BMPR2: variants seen among roughly 807,000 people sequenced by gnomAD.
BMPR2 encodes bone morphogenetic protein receptor type 2.
Under a neutral mutation model 100.8 loss-of-function variants are expected in BMPR2, and 29 were observed. That is an observed-to-expected ratio of 0.29 (90% confidence interval 0.21 to 0.39). BMPR2 has a LOEUF of 0.39. Among genes scored for constraint, BMPR2 ranks in the 10% least tolerant of loss-of-function variants. The pLI is 1.00. For synonymous variants in BMPR2, 382 were observed against 442.3 expected (o/e 0.86, Z 1.71); for missense variants, 1,011 against 1,274.5 (o/e 0.79, Z 3.15).
intron 1 of BMPR2, among the ~76,000 whole-genome samples, chr2:202,457,913 T>G (rs1222416322): frequency 1.3e-5 from 2 of 152,008 alleles, no homozygotes; most frequent in Admixed American, 6.6e-5. Flanking sequence ...TAGTTTTTAG[T>G]AGAGATGGGG....
chr2:202,552,641 CAT>C lies in BMPR2; in HGVS notation c.1414-74_1414-73del, dbSNP rs142288937. 896 of 1,504,356 alleles carry C rather than the reference CAT, an allele frequency of 6.0e-4. 9 individuals are homozygous for C. The East Asian group carries it at 6.0e-3, about 10-fold the overall frequency. The allele number at this position is 1,504,356 out of a possible 1,614,324, so 93.2% of individuals were successfully genotyped here. ...AAGGTAATTGATTTTTCTTTTACCT[CAT>C]GTGGTAAACTGAAAAGCTCAATACA... On this transcript the variant is annotated intron_variant, in intron 10 of 12. Transcript: ENST00000374580.
intron 3 of BMPR2, among the ~76,000 whole-genome samples, chr2:202,491,082 C>T (rs1453980053): frequency 6.6e-5 from 10 of 151,944 alleles, no homozygotes; most frequent in South Asian, 2.1e-4. Context: ...CCACTATGCC[C>T]GGCTAATTTT....
chr2:202,435,535 T>C (rs1159395575), intron 1 of BMPR2, among the ~76,000 whole-genome samples: 1 of 149,364 alleles, frequency 6.7e-6, no homozygotes, highest in East Asian at 1.9e-4. Context: ...TAATCTAAGG[T>C]TAATTTATTA....
intron 3 of BMPR2, chr2:202,469,640 A>T: frequency 5.8e-6 from 1 of 172,694 alleles, no homozygotes; most frequent in Admixed American, 6.1e-5. Context: ...CACCACACCC[A>T]GCTAATTGTT....
chr2:202,431,749 A>G (rs1691507550), intron 1 of BMPR2, among the ~76,000 whole-genome samples: 1 of 150,526 alleles, frequency 6.6e-6, no homozygotes. Flanking sequence ...AGTAGGCTAT[A>G]CCATGTAGGT....
Position 202,485,545 on chromosome 2 carries a change from C to CTTTTTTTTTTTTTTTTTTTTTTTTTT in BMPR2, c.418+17875_418+17876insTTTTTTTTTTTTTTTTTTTTTTTTTT, listed in dbSNP as rs762096820. 9.1e-4 allele frequency among the ~76,000 whole-genome samples: 58 copies of CTTTTTTTTTTTTTTTTTTTTTTTTTT among 64,016 alleles called. 13 individuals are homozygous for CTTTTTTTTTTTTTTTTTTTTTTTTTT. The highest frequency in any genetic ancestry group is 8.4e-3 in the East Asian group (11 of 1,316). The allele number at this position is 64,016 out of a possible 152,430, so 42.0% of individuals were successfully genotyped here. Reference sequence around the variant, plus strand: ...GTCTCAAATCTCCCTTTGCCTTTATCTTTTTTTTTTTTTTTTTTTGAGACA... The same window carrying CTTTTTTTTTTTTTTTTTTTTTTTTTT: ...GTCTCAAATCTCCCTTTGCCTTTATCTTTTTTTTTTTTTTTTTTTTTTTTTTTTTTTTTTTTTTTTTTTTTGAGACA... On this transcript the variant is annotated intron_variant, in intron 3 of 12. Coordinates refer to ENST00000374580, the MANE Select transcript of BMPR2 (RefSeq NM_001204.7).
At chr2:202,405,879 A>G (rs1690880945) in intron 1 of BMPR2, among the ~76,000 whole-genome samples, 1 of 152,112 alleles carries the variant, frequency 6.6e-6, no homozygotes, top group Admixed American at 6.6e-5. Context: ...GTTCATCCCT[A>G]TATGTTGTGT....
chr2:202,512,210 C>T (rs1375952186), intron 3 of BMPR2, among the ~76,000 whole-genome samples: 1 of 152,142 alleles, frequency 6.6e-6, no homozygotes, highest in Non-Finnish European at 1.5e-5. Context: ...GAACTCTTTG[C>T]CGTAGAGGCA....
intron 1 of BMPR2, among the ~76,000 whole-genome samples, chr2:202,386,615 CCT>C (rs1180142882): frequency 6.6e-6 from 1 of 152,080 alleles, no homozygotes; most frequent in East Asian, 1.9e-4. Flanking sequence ...GACTCTGTTT[CCT>C]CTGTTAACGT....
At position 202,376,771 on chromosome 2, in the gene BMPR2, C is replaced by G. The variant is rs114110688; in HGVS notation, c.-704C>G. ...CGGACCGGGGCCGCGACCGCGACCCCTCCCCTCCCCCGCTCCTACCTCTCC... is the reference window on the plus strand; with the variant it reads ...CGGACCGGGGCCGCGACCGCGACCCGTCCCCTCCCCCGCTCCTACCTCTCC... On this transcript the variant is annotated 5_prime_UTR_variant, in exon 1 of 13. Transcript: ENST00000374580. Among the ~76,000 whole-genome samples the G allele has an allele frequency of 5.0e-3, 761 of 151,274 alleles. 11 individuals carry two copies. Among genetic ancestry groups the G allele is most frequent in the African/African-American group, 0.018 (729 of 41,302 alleles).
chr2:202,413,466 C>T (rs1265446795), intron 1 of BMPR2, among the ~76,000 whole-genome samples: 1 of 152,156 alleles, frequency 6.6e-6, no homozygotes, highest in African/African-American at 2.4e-5. Context: ...ATATATTGAT[C>T]TGTTAATGCA....
intron 1 of BMPR2, among the ~76,000 whole-genome samples, chr2:202,437,879 C>T (rs763063464): frequency 2.0e-5 from 3 of 150,362 alleles, no homozygotes; most frequent in Admixed American, 6.6e-5. Flanking sequence ...GATGGACATG[C>T]GGTTGTTTCC....
chr2:202,418,235 A>G (rs1380005816), intron 1 of BMPR2, among the ~76,000 whole-genome samples: 1 of 152,200 alleles, frequency 6.6e-6, no homozygotes, highest in African/African-American at 2.4e-5. Context: ...CTTCTACATG[A>G]GGAGTGAGAA....
chr2:202,483,654 C>T (rs1489768452), intron 3 of BMPR2, among the ~76,000 whole-genome samples: 2 of 152,176 alleles, frequency 1.3e-5, no homozygotes, highest in African/African-American at 4.8e-5. Flanking sequence ...CCACCTAGGC[C>T]TCCCAAAGTG....
At chr2:202,445,298 C>A (rs1691828649) in intron 1 of BMPR2, among the ~76,000 whole-genome samples, 1 of 150,148 alleles carries the variant, frequency 6.7e-6, no homozygotes, top group African/African-American at 2.5e-5. Flanking sequence ...GTGATCACAG[C>A]TCACTGTAGC....
At position 202,422,119 on chromosome 2, in the gene BMPR2, G is replaced by T. The variant is rs546337626; in HGVS notation, c.77-42690G>T. On this transcript the variant is annotated intron_variant, in intron 1 of 12. Coordinates refer to ENST00000374580, the MANE Select transcript of BMPR2 (RefSeq NM_001204.7). ...AGACAGGGTTTCACCGTGTTGGCCAGGCTGGTCTCGATCTCCTGACTTCGT... is the reference window on the plus strand; with the variant it reads ...AGACAGGGTTTCACCGTGTTGGCCATGCTGGTCTCGATCTCCTGACTTCGT... Among the ~76,000 whole-genome samples the T allele has an allele frequency of 4.6e-5, 7 of 152,274 alleles. No individual in the cohort carries two copies. In the South Asian group the frequency reaches 1.4e-3, roughly 32 times the overall value.
In BMPR2 at chr2:202,565,925, GGCTCAAAAT is replaced by G. The variant is rs1688752677; in HGVS notation, c.*5980_*5988del. The G allele has an allele frequency of 6.6e-6, 1 of 152,072 alleles. No homozygotes were observed. Among genetic ancestry groups the G allele is most frequent in the African/African-American group, 2.4e-5 (1 of 41,430 alleles). The allele number at this position is 152,072 out of a possible 1,614,324, so 9.4% of individuals were successfully genotyped here. A position where few individuals can be genotyped will look rare whatever the true frequency, so the allele number is the denominator to read the frequency against. ...GAATTTATGCTGTATATTAAAACTAGGCTCAAAATAAATCTATCGTATCTTTAAAAGTCC... is the reference window on the plus strand; with the variant it reads ...GAATTTATGCTGTATATTAAAACTAGAAATCTATCGTATCTTTAAAAGTCC... On this transcript the variant is annotated 3_prime_UTR_variant, in exon 13 of 13. Coordinates refer to ENST00000374580, the MANE Select transcript of BMPR2 (RefSeq NM_001204.7).
At chr2:202,497,194 C>T (rs1025351569) in intron 3 of BMPR2, among the ~76,000 whole-genome samples, 5 of 152,210 alleles carry the variant, frequency 3.3e-5, no homozygotes, top group African/African-American at 7.2e-5. Flanking sequence ...GCCTCCCACC[C>T]CCTCCATGGG....
intron 3 of BMPR2, among the ~76,000 whole-genome samples, chr2:202,476,787 AAAAT>A (rs1406751233): frequency 2.6e-5 from 4 of 152,250 alleles, no homozygotes; most frequent in East Asian, 1.9e-4. Context: ...AGACTCAAAA[AAAAT>A]AAATAAAATA....
Sources: gnomAD v4.1 joint callset for allele counts (sites outside exome capture counted in the v4.1 genomes callset) on GRCh38, gnomAD v4.1.1 for gene constraint, MANE v1.5 for transcripts, NCBI Gene and HGNC (gene_info 2026-07-23, HGNC 2026-07-21) for gene names.